The following PGBD5 variants were observed in gnomAD, a reference collection of about 807,000 sequenced individuals.
PGBD5 encodes piggyBac transposable element-derived protein 5.
Under a neutral mutation model 47.9 loss-of-function variants are expected in PGBD5, and 14 were observed. The ratio of observed to expected loss-of-function variants is 0.29; its 90% CI spans 0.19 to 0.46. The LOEUF is 0.46. PGBD5 is among the 20% of genes least tolerant of loss of function. PGBD5 has a pLI of 1.00. For synonymous variants in PGBD5, 316 were observed against 306.3 expected (o/e 1.03, Z -0.33); for missense variants, 635 against 716.0 (o/e 0.89, Z 1.29).
chr1:230,355,603 G>A (rs1571837184), intron 2 of PGBD5, among the ~76,000 whole-genome samples: 3 of 152,186 alleles, frequency 2.0e-5, no homozygotes, highest in African/African-American at 4.8e-5. Context: ...TCATGTCCTC[G>A]AAAGTCTCCA....
At chr1:230,401,749 G>A (rs550111920) in intron 1 of PGBD5, among the ~76,000 whole-genome samples, 33 of 152,328 alleles carry the variant, frequency 2.2e-4, no homozygotes, top group African/African-American at 5.5e-4. Context: ...TCTAGTCACT[G>A]GGCTTCCTTT....
rs990444411 is a variant in PGBD5 at position 230,323,737 on chromosome 1, A to G, written c.1380-117T>C. Reference sequence around the variant, plus strand: ...ACGCTGCAGGTTCGCCCCCGACAGAAGCAGGAGGGCTATGGGGGCAGGAGT... The same window carrying G: ...ACGCTGCAGGTTCGCCCCCGACAGAGGCAGGAGGGCTATGGGGGCAGGAGT... On this transcript the variant is annotated intron_variant, in intron 6 of 6. Transcript: ENST00000391860. The surrounding 1 kb of genome is among the most constrained non-coding windows in gnomAD (Gnocchi z 4.1). 4 of 977,692 alleles carry G rather than the reference A, an allele frequency of 4.1e-6. No individual in the cohort carries two copies. The highest frequency in any genetic ancestry group is 6.1e-6 in the Non-Finnish European group (4 of 660,556). 60.6% of individuals were successfully genotyped at this position (977,692 alleles called of 1,614,324 possible). A position where few individuals can be genotyped will look rare whatever the true frequency, so the allele number is the denominator to read the frequency against.
chr1:230,400,707 C>T (rs1424909149), intron 1 of PGBD5, among the ~76,000 whole-genome samples: 2 of 152,136 alleles, frequency 1.3e-5, no homozygotes, highest in African/African-American at 2.4e-5. Flanking sequence ...AAGCTGGACA[C>T]GGTGGCACAT....
At chr1:230,407,049 G>A (rs1657314817) in intron 1 of PGBD5, among the ~76,000 whole-genome samples, 2 of 152,176 alleles carry the variant, frequency 1.3e-5, no homozygotes, top group Non-Finnish European at 1.5e-5. Context: ...TGGCCAGGCT[G>A]GTCTTGAACC....
At chr1:230,343,045 C>T (rs1202830132) in intron 3 of PGBD5, among the ~76,000 whole-genome samples, 1 of 152,214 alleles carries the variant, frequency 6.6e-6, no homozygotes, top group East Asian at 1.9e-4. Flanking sequence ...TTAGCTGGGG[C>T]TTCTAGCAAA....
intron 6 of PGBD5, among the ~76,000 whole-genome samples, chr1:230,324,031 G>A (rs1667077763): frequency 2.0e-5 from 3 of 152,202 alleles, no homozygotes; most frequent in African/African-American, 7.2e-5. Context: ...TCAGCTCCAG[G>A]CCCCTGCAGG....
At chr1:230,361,129 C>G (rs1667735132) in intron 1 of PGBD5, among the ~76,000 whole-genome samples, 1 of 152,198 alleles carries the variant, frequency 6.6e-6, no homozygotes, top group Non-Finnish European at 1.5e-5. Flanking sequence ...CGACTGAAGT[C>G]ACGGGATGGT....
intron 1 of PGBD5, among the ~76,000 whole-genome samples, chr1:230,359,030 C>G (rs1198614771): frequency 1.3e-5 from 2 of 151,948 alleles, no homozygotes; most frequent in Non-Finnish European, 2.9e-5. Context: ...TTGTAAGAGA[C>G]AAAATTTGCT....
chr1:230,387,837 G>C (rs1293816934), intron 1 of PGBD5, among the ~76,000 whole-genome samples: 1 of 152,142 alleles, frequency 6.6e-6, no homozygotes, highest in Non-Finnish European at 1.5e-5. Context: ...AAGGTAAGGA[G>C]GTATCGGCCA....
Position 230,376,830 on chromosome 1 carries a change from A to T in PGBD5, c.332-19509T>A, listed in dbSNP as rs531752258. On this transcript the variant is annotated intron_variant, in intron 1 of 6. Transcript: ENST00000391860. ...AAAAACTAATTGCTTTCTCCAGGCAATAAGCAGGTCCTAACTTCATTGCTA... is the reference window on the plus strand; with the variant it reads ...AAAAACTAATTGCTTTCTCCAGGCATTAAGCAGGTCCTAACTTCATTGCTA... Among the ~76,000 whole-genome samples, 9 of 152,322 alleles carry T rather than the reference A, an allele frequency of 5.9e-5. No individual in the cohort carries two copies. The South Asian group carries it at 1.9e-3, about 32-fold the overall frequency.
intron 3 of PGBD5, among the ~76,000 whole-genome samples, chr1:230,349,676 C>T (rs980981512): frequency 6.6e-6 from 1 of 152,070 alleles, no homozygotes; most frequent in African/African-American, 2.4e-5. Context: ...ATGAATGTCC[C>T]TTGGGAAAGT....
intron 1 of PGBD5, among the ~76,000 whole-genome samples, chr1:230,383,895 G>A (rs796922341): frequency 2.0e-5 from 3 of 152,360 alleles, no homozygotes; most frequent in African/African-American, 7.2e-5. Flanking sequence ...GGTGAGTAGA[G>A]GAGGAGATGA....
intron 1 of PGBD5, among the ~76,000 whole-genome samples, chr1:230,363,931 C>T (rs1323993970): frequency 6.6e-6 from 1 of 152,234 alleles, no homozygotes; most frequent in Non-Finnish European, 1.5e-5. Flanking sequence ...CCAGCTGCAG[C>T]TGGTACTTAT....
intron 1 of PGBD5, among the ~76,000 whole-genome samples, chr1:230,369,839 T>A (rs1197024676): frequency 1.3e-5 from 2 of 151,588 alleles, no homozygotes; most frequent in Non-Finnish European, 2.9e-5. Flanking sequence ...ACTAATTATA[T>A]CCCTAGAATT....
In PGBD5 at chr1:230,315,531, G is replaced by C. The variant is rs1053853891; in HGVS notation, c.*7894C>G. 1 of 152,110 alleles carries C rather than the reference G, an allele frequency of 6.6e-6. No individual in the cohort carries two copies. Among genetic ancestry groups the C allele is most frequent in the Non-Finnish European group, 1.5e-5 (1 of 68,066 alleles). 9.4% of individuals were successfully genotyped at this position (152,110 alleles called of 1,614,324 possible). On this transcript the variant is annotated 3_prime_UTR_variant, in exon 7 of 7. Coordinates refer to ENST00000391860, the MANE Select transcript of PGBD5 (RefSeq NM_001258311.2). ...CTCCTCCCTCACCTGGTTTCTACGT[G>C]GACCCACCATTCTTGCCCTCCTGGA...
chr1:230,354,456 C>T (rs1338161401), intron 2 of PGBD5, among the ~76,000 whole-genome samples: 2 of 152,162 alleles, frequency 1.3e-5, no homozygotes, highest in Non-Finnish European at 2.9e-5. Flanking sequence ...AGCAAGAGGC[C>T]AGAGAGCAAG....
chr1:230,399,978 A>G (rs1320852796), intron 1 of PGBD5, among the ~76,000 whole-genome samples: 1 of 152,130 alleles, frequency 6.6e-6, no homozygotes, highest in Non-Finnish European at 1.5e-5. Flanking sequence ...TGGCACTCAC[A>G]GCATCTCTTT....
intron 3 of PGBD5, among the ~76,000 whole-genome samples, chr1:230,343,626 G>A (rs548909084): frequency 2.0e-3 from 311 of 152,254 alleles, no homozygotes; most frequent in Non-Finnish European, 3.5e-3. Flanking sequence ...CTCACTGCAC[G>A]ATTAAACAGC....
chr1:230,356,820 C>T, intron 2 of PGBD5, 74 bp downstream of exon 2: 1 of 1,521,670 alleles, frequency 6.6e-7, no homozygotes, highest in Non-Finnish European at 8.9e-7. Flanking sequence ...ACCCCAAAGC[C>T]CTGCCAACAG....
Sources: allele counts gnomAD v4.1 joint callset (sites outside exome capture counted in the v4.1 genomes callset), GRCh38; gene constraint gnomAD v4.1.1; non-coding constraint Gnocchi (gnomAD v3.1); transcripts MANE v1.5; gene names NCBI Gene and HGNC (gene_info 2026-07-23, HGNC 2026-07-21).